Variants in TENM4 observed in about 807,000 individuals in gnomAD.
TENM4 encodes the protein teneurin transmembrane protein 4.
Under a neutral mutation model 243.3 loss-of-function variants are expected in TENM4, and 82 were observed. That is an observed-to-expected ratio of 0.34 (90% CI 0.28 to 0.40). The LOEUF is 0.40. TENM4 is among the 10% of genes least tolerant of loss of function. The pLI, the probability that TENM4 is intolerant of heterozygous loss-of-function variation, is 1.00. For missense variants in TENM4, 3,138 were observed against 3,673.3 expected (o/e 0.85, Z 3.77); for synonymous variants, 1,412 against 1,456.3 (o/e 0.97, Z 0.69).
At chr11:79,011,805 A>G (rs1591206131) in intron 6 of TENM4, among the ~76,000 whole-genome samples, 1 of 152,248 alleles carries the variant, frequency 6.6e-6, no homozygotes, top group Admixed American at 6.5e-5. Context: ...AGCATAAAGA[A>G]GAGTGTGAAA....
At chr11:79,058,003 A>C (rs774292428) in intron 6 of TENM4, among the ~76,000 whole-genome samples, 4 of 152,144 alleles carry the variant, frequency 2.6e-5, no homozygotes, top group Admixed American at 2.6e-4. Context: ...TTAATCCTCT[A>C]AAACATGTAC....
chr11:79,056,984 G>C (rs1859960338), intron 6 of TENM4, among the ~76,000 whole-genome samples: 2 of 152,134 alleles, frequency 1.3e-5, no homozygotes, highest in South Asian at 4.2e-4. Flanking sequence ...TGGTGGGGAG[G>C]AGCAGGGAAG....
chr11:79,000,763 G>A (rs1858300949), intron 6 of TENM4, among the ~76,000 whole-genome samples: 1 of 152,238 alleles, frequency 6.6e-6, no homozygotes, highest in Non-Finnish European at 1.5e-5. Context: ...GGGTGCAGCG[G>A]CTCATGCCTG....
chr11:79,202,214 C>A (rs1209387879), intron 3 of TENM4, among the ~76,000 whole-genome samples: 1 of 152,192 alleles, frequency 6.6e-6, no homozygotes, highest in Non-Finnish European at 1.5e-5. Context: ...GCCACTCTGA[C>A]TGCCAGGTCT....
chr11:79,230,206 A>T (rs968737062), intron 2 of TENM4, among the ~76,000 whole-genome samples: 1 of 152,190 alleles, frequency 6.6e-6, no homozygotes, highest in Non-Finnish European at 1.5e-5. Flanking sequence ...ATTTCAGGAC[A>T]CGCTGGTCAT....
intron 12 of TENM4, among the ~76,000 whole-genome samples, chr11:78,846,370 G>A (rs1858392457): frequency 6.6e-6 from 1 of 152,170 alleles, no homozygotes; most frequent in African/African-American, 2.4e-5. Flanking sequence ...GAACACCATG[G>A]AGGCAGAAAG....
chr11:78,775,405 A>G (rs1013224697), intron 17 of TENM4, among the ~76,000 whole-genome samples: 3 of 152,222 alleles, frequency 2.0e-5, no homozygotes, highest in East Asian at 3.8e-4. Flanking sequence ...AGGTGTTCTC[A>G]GGGAGGGTTA....
chr11:79,295,450 G>A (rs1034499851), intron 2 of TENM4, among the ~76,000 whole-genome samples: 15 of 152,304 alleles, frequency 9.8e-5, no homozygotes, highest in African/African-American at 3.6e-4. Flanking sequence ...CCCGCCCCGG[G>A]AAAGGAAGGA....
chr11:79,135,613 A>G (rs1165927955), intron 4 of TENM4, among the ~76,000 whole-genome samples: 1 of 150,432 alleles, frequency 6.6e-6, no homozygotes, highest in African/African-American at 2.5e-5. Flanking sequence ...ATGCCCATCA[A>G]TCAACCAGTG....
intron 4 of TENM4, among the ~76,000 whole-genome samples, chr11:79,132,927 T>C (rs940367486): frequency 6.6e-6 from 1 of 151,954 alleles, no homozygotes; most frequent in Admixed American, 6.6e-5. Flanking sequence ...TCTAAGGTCA[T>C]ACCTCAAGGA....
At chr11:78,857,402 GT>G (rs949467786) in intron 10 of TENM4, among the ~76,000 whole-genome samples, 3 of 152,170 alleles carry the variant, frequency 2.0e-5, no homozygotes, top group African/African-American at 7.2e-5. Flanking sequence ...CCCTAGCTTT[GT>G]AAGACTCCTT....
chr11:79,005,043 T>C (rs1858447149), intron 6 of TENM4, among the ~76,000 whole-genome samples: 1 of 149,802 alleles, frequency 6.7e-6, no homozygotes, highest in Non-Finnish European at 1.5e-5. Flanking sequence ...AAACATACAA[T>C]GTCCCCAGAT....
intron 19 of TENM4, among the ~76,000 whole-genome samples, chr11:78,744,194 C>T (rs1855994514): frequency 6.6e-6 from 1 of 152,216 alleles, no homozygotes; most frequent in Non-Finnish European, 1.5e-5. Context: ...CCAGTCACAG[C>T]CTGACATTGT....
At chr11:79,307,746 C>T (rs947322115) in intron 1 of TENM4, among the ~76,000 whole-genome samples, 1 of 152,186 alleles carries the variant, frequency 6.6e-6, no homozygotes, top group African/African-American at 2.4e-5. Flanking sequence ...TCTCAGCTGC[C>T]TTCTCTGCAA....
At chr11:79,002,293 G>A (rs1232830291) in intron 6 of TENM4, among the ~76,000 whole-genome samples, 3 of 152,232 alleles carry the variant, frequency 2.0e-5, no homozygotes, top group African/African-American at 7.2e-5. Flanking sequence ...TGAGTACTCT[G>A]CCCCAGCCAA....
chr11:79,402,535 T>C (rs981955460), intron 1 of TENM4, among the ~76,000 whole-genome samples: 1 of 152,172 alleles, frequency 6.6e-6, no homozygotes, highest in Non-Finnish European at 1.5e-5. Flanking sequence ...TTTTTATAAC[T>C]CCAGGCTACT....
intron 6 of TENM4, among the ~76,000 whole-genome samples, chr11:79,046,586 A>G (rs887957301): frequency 1.3e-5 from 2 of 152,120 alleles, no homozygotes; most frequent in Non-Finnish European, 2.9e-5. Context: ...CTCCAATATG[A>G]CTTGTATTCT....
In TENM4 at chr11:78,976,753, A is replaced by T. The variant is rs1404150797; in HGVS notation, c.494-73230T>A. 1.3e-5 allele frequency among the ~76,000 whole-genome samples: 2 copies of T among 152,232 alleles called. 1 individual carries two copies. The highest frequency in any genetic ancestry group is 1.3e-4 in the Admixed American group (2 of 15,288). On this transcript the variant is annotated intron_variant, in intron 6 of 33. Coordinates refer to ENST00000278550, the MANE Select transcript of TENM4 (RefSeq NM_001098816.3). Reference sequence around the variant, plus strand: ...AGTGACCAGGTCTGGTTCTTAAAGCAGGAACCCTTCAGGCAGCTTTAGGTC... The same window carrying T: ...AGTGACCAGGTCTGGTTCTTAAAGCTGGAACCCTTCAGGCAGCTTTAGGTC...
At chr11:78,910,847 T>C (rs1856169135) in intron 6 of TENM4, among the ~76,000 whole-genome samples, 1 of 152,208 alleles carries the variant, frequency 6.6e-6, no homozygotes, top group African/African-American at 2.4e-5. Context: ...TCACGGCCAG[T>C]GCTCAAGGCT....
Sources: gnomAD v4.1 joint callset for allele counts (sites outside exome capture counted in the v4.1 genomes callset) on GRCh38, gnomAD v4.1.1 for gene constraint, MANE v1.5 for transcripts, NCBI Gene and HGNC (gene_info 2026-07-23, HGNC 2026-07-21) for gene names.